MMP7: variants seen among roughly 807,000 people sequenced by gnomAD.
The protein encoded by MMP7 is matrilysin.
A neutral mutation model predicts 31.5 loss-of-function variants in MMP7; 26 were observed. The observed-to-expected ratio is 0.83, with a 90% CI of 0.61 to 1.15. MMP7 has a LOEUF of 1.15. MMP7 is among the 50% of genes most tolerant of loss of function. MMP7 has a pLI of 0.00. For synonymous variants in MMP7, 142 were observed against 124.2 expected, an observed-to-expected ratio of 1.14 and a Z score of -0.95; for missense variants, 367 against 326.5, an observed-to-expected ratio of 1.12 and a Z score of -0.96.
chr11:102,526,041 A>G (rs1858666659), intron 3 of MMP7, among the ~76,000 whole-genome samples: 1 of 151,850 alleles, frequency 6.6e-6, no homozygotes, highest in Admixed American at 6.6e-5. Flanking sequence ...TAGCCGGACC[A>G]TTCCACATAG....
rs1218637612 is a variant in MMP7 at position 102,520,565 on chromosome 11, C to T, written c.*211G>A. The stretch of plus-strand genomic sequence containing the variant: ...TTGTGTATGTAACATTTATTGACAT[C>T]TACCCACTGCAAGTATAGATGAATA... On this transcript the variant is annotated 3_prime_UTR_variant, in exon 6 of 6. Coordinates refer to ENST00000260227, the MANE Select transcript of MMP7 (RefSeq NM_002423.5). 3 of 460,650 alleles carry T rather than the reference C, an allele frequency of 6.5e-6. No homozygotes were observed. The East Asian group carries it at 9.7e-5, about 15-fold the overall frequency. The allele number at this position is 460,650 out of a possible 1,614,324, so 28.5% of individuals were successfully genotyped here.
intron 3 of MMP7, 90 bp from the exon 4 acceptor site, chr11:102,525,154 G>A: frequency 6.8e-7 from 1 of 1,478,696 alleles, no homozygotes; most frequent in Admixed American, 2.3e-5. Context: ...ATTGAGGCTA[G>A]AAAAAGCAGC....
At chr11:102,527,456 A>G (rs1858684227) in intron 3 of MMP7, 68 bp downstream of exon 3, 2 of 1,571,986 alleles carry the variant, frequency 1.3e-6, no homozygotes, top group South Asian at 2.2e-5. Context: ...TCATAAGAAA[A>G]GAGCACTGAT....
At chr11:102,521,130 T>C (rs1858608530) in intron 5 of MMP7, among the ~76,000 whole-genome samples, 1 of 152,212 alleles carries the variant, frequency 6.6e-6, no homozygotes, top group African/African-American at 2.4e-5. Context: ...TCTCATTGAA[T>C]TCTTGAATTA....
intron 3 of MMP7, among the ~76,000 whole-genome samples, chr11:102,526,323 T>A (rs928611961): frequency 1.3e-5 from 2 of 151,260 alleles, no homozygotes; most frequent in Admixed American, 1.3e-4. Context: ...CATTGCAACC[T>A]CTGCCTCCCA....
chr11:102,520,932 C>T lies in MMP7; in HGVS notation c.776-128G>A. On this transcript the variant is annotated intron_variant, in intron 5 of 5. Coordinates refer to ENST00000260227, the MANE Select transcript of MMP7 (RefSeq NM_002423.5). The stretch of plus-strand genomic sequence containing the variant: ...TATTCACTCAGACCATTTCTTGTCC[C>T]TGGGACAAAGATTCTGAAGAACAAC... The T allele has an allele frequency of 8.0e-6, 5 of 628,074 alleles. No homozygotes were observed. In the South Asian group the frequency reaches 9.0e-5, roughly 11 times the overall value. The allele number at this position is 628,074 out of a possible 1,614,324, so 38.9% of individuals were successfully genotyped here. A position where few individuals can be genotyped will look rare whatever the true frequency, so the allele number is the denominator to read the frequency against.
intron 3 of MMP7, 79 bp downstream of exon 3, chr11:102,527,445 T>C (rs1310733289): frequency 6.5e-7 from 1 of 1,534,618 alleles, no homozygotes; most frequent in Non-Finnish European, 9.0e-7. Context: ...GATTTTAATC[T>C]TCATAAGAAA....
intron 3 of MMP7, among the ~76,000 whole-genome samples, chr11:102,526,241 T>TTTA: frequency 8.3e-6 from 1 of 120,732 alleles, no homozygotes; most frequent in Admixed American, 8.1e-5. Flanking sequence ...TATATATATA[T>TTTA]TTTTTTTTTT....
intron 4 of MMP7, 55 bp downstream of exon 4, chr11:102,524,881 G>C: frequency 1.3e-6 from 2 of 1,565,784 alleles, no homozygotes; most frequent in Non-Finnish European, 1.7e-6. Flanking sequence ...TTAACTTAGT[G>C]TAAGTCCAGG....
intron 5 of MMP7, among the ~76,000 whole-genome samples, chr11:102,522,620 G>T (rs1209193806): frequency 1.3e-5 from 2 of 152,026 alleles, no homozygotes; most frequent in Non-Finnish European, 2.9e-5. Flanking sequence ...TTTTATTCTT[G>T]TCCTTTGATT....
At chr11:102,521,054 T>C (rs986891577) in intron 5 of MMP7, among the ~76,000 whole-genome samples, 2 of 152,218 alleles carry the variant, frequency 1.3e-5, no homozygotes, top group African/African-American at 2.4e-5. Context: ...TGTGTGACCT[T>C]AGGTAGTTTA....
chr11:102,524,972 C>A lies in MMP7; in HGVS notation c.577G>T (p.Asp193Tyr). 8 of 1,613,986 alleles carry A rather than the reference C, an allele frequency of 5.0e-6. No homozygotes were observed. Among genetic ancestry groups the A allele is most frequent in the South Asian group, 4.4e-5 (4 of 91,052 alleles). ...GTGLGGDAHF[D>Y]EDERWTDGSS... ...CCATCCGTCCAGCGTTCATCCTCAT[C>A]GAAGTGAGCATCTCCTCCGAGACCT... Residue 193 changes from aspartate (D) to tyrosine (Y), a missense_variant, in exon 4 of 6, where the codon GAT becomes TAT. Physicochemically the swap from Asp to Tyr is radical, Grantham distance 160 (BLOSUM62 -3). Transcript: ENST00000260227.
rs1417626770 is a variant in MMP7, at chr11:102,530,677, A to T, written c.24T>A (p.Ala8=). MRLTVLC[A]VCLLPGSLAL... ...CCAGGCTGCCAGGCAGCAGGCACACAGCACACAGCACGGTGAGTCGCATAG... is the reference window on the plus strand; with the variant it reads ...CCAGGCTGCCAGGCAGCAGGCACACTGCACACAGCACGGTGAGTCGCATAG... Residue 8 remains alanine, a synonymous_variant, in exon 1 of 6, where the codon GCT becomes GCA. Coordinates refer to ENST00000260227, the MANE Select transcript of MMP7 (RefSeq NM_002423.5). The T allele has an allele frequency of 1.9e-6, 3 of 1,613,716 alleles. No individual in the cohort carries two copies. The Admixed American group carries it at 5.0e-5, about 27-fold the overall frequency.
rs1297232335 is a variant in MMP7, at chr11:102,527,415, C to T, written c.484+109G>A. On this transcript the variant is annotated intron_variant, in intron 3 of 5. Transcript: ENST00000260227. ...AATCTATCTATTAACTATCTATCTA[C>T]CAATCATATCTCATTAAAGGATTTT... The T allele has an allele frequency of 3.1e-6, 4 of 1,283,488 alleles. No homozygotes were observed. The South Asian group carries it at 3.6e-5, about 12-fold the overall frequency. 79.5% of individuals were successfully genotyped at this position (1,283,488 alleles called of 1,614,324 possible). A position where few individuals can be genotyped will look rare whatever the true frequency, so the allele number is the denominator to read the frequency against.
rs564301921 is a variant in MMP7 at position 102,530,688 on chromosome 11, C to A, written c.13G>T (p.Val5Leu). The change falls in exon 1 of 6, where the codon GTG (valine) becomes TTG (leucine). Residue 5 changes from valine (V) to leucine (L), a missense_variant. Coordinates refer to ENST00000260227, the MANE Select transcript of MMP7 (RefSeq NM_002423.5). ...GGCAGCAGGCACACAGCACACAGCA[C>A]GGTGAGTCGCATAGCTGCCGTCCAG... MRLT[V>L]LCAVCLLPGS... The A allele has an allele frequency of 5.0e-6, 8 of 1,613,466 alleles. No homozygotes were observed. The highest frequency in any genetic ancestry group is 4.5e-5 in the East Asian group (2 of 44,870).
chr11:102,524,815 T>C (rs1252246796), intron 4 of MMP7, 121 bp downstream of exon 4: 70 of 1,096,098 alleles, frequency 6.4e-5, no homozygotes, highest in Non-Finnish European at 8.0e-5. Context: ...AGGCATATAG[T>C]ACAGTGTTTG....
At chr11:102,527,256 C>A in intron 3 of MMP7, 1 of 444,714 alleles carries the variant, frequency 2.2e-6, no homozygotes, top group Non-Finnish European at 4.1e-6. Context: ...AGGAGCCTGA[C>A]TGTGTTCCAG....
At chr11:102,528,420 A>G (rs1188808665) in intron 1 of MMP7, among the ~76,000 whole-genome samples, 1 of 152,202 alleles carries the variant, frequency 6.6e-6, no homozygotes, top group Non-Finnish European at 1.5e-5. Context: ...GGTTCCAGCT[A>G]AAAGTTAAAG....
chr11:102,526,728 A>G (rs1186542402), intron 3 of MMP7, among the ~76,000 whole-genome samples: 3 of 152,248 alleles, frequency 2.0e-5, no homozygotes, highest in Non-Finnish European at 2.9e-5. Context: ...CATGTGCTAC[A>G]TAATGATCTT....
Sources: gnomAD v4.1 joint callset for allele counts (sites outside exome capture counted in the v4.1 genomes callset) on GRCh38, gnomAD v4.1.1 for gene constraint, MANE v1.5 for transcripts, NCBI Gene and HGNC (gene_info 2026-07-23, HGNC 2026-07-21) for gene names.